TFCP2: variants seen among roughly 807,000 people sequenced by gnomAD.
TFCP2 encodes transcription factor CP2.
In TFCP2, 33 loss-of-function variants were observed where a neutral mutation model predicts 73.4. That is an observed-to-expected ratio of 0.45 (90% CI 0.34 to 0.60). The LOEUF (loss-of-function observed/expected upper bound fraction) is 0.60. TFCP2 is among the 20% of genes least tolerant of loss of function. TFCP2 has a pLI of 0.01. For synonymous variants in TFCP2, 193 were observed against 211.6 expected (o/e 0.91, Z 0.76); for missense variants, 352 against 604.0 (o/e 0.58, Z 4.37).
chr12:51,150,418 GA>G (rs536864467), intron 1 of TFCP2, among the ~76,000 whole-genome samples: 2 of 147,104 alleles, frequency 1.4e-5, no homozygotes, highest in East Asian at 2.0e-4. Flanking sequence ...CCTCCATCTC[GA>G]AAAAAAAAGA....
Position 51,121,005 on chromosome 12 carries a change from T to C in TFCP2, c.123-2233A>G, listed in dbSNP as rs556317847. Among the ~76,000 whole-genome samples, 10 of 151,792 alleles carry C rather than the reference T, an allele frequency of 6.6e-5. No individual in the cohort carries two copies. In the South Asian group the frequency reaches 2.1e-3, roughly 32 times the overall value. ...TCATCATATTATTCTGTTTACTTTG[T>C]ATATGTTTGAAATTTTCCACAGTAA... On this transcript the variant is annotated intron_variant, in intron 1 of 14. Coordinates refer to ENST00000257915, the MANE Select transcript of TFCP2 (RefSeq NM_005653.5).
At chr12:51,136,333 G>A (rs1941061011) in intron 1 of TFCP2, among the ~76,000 whole-genome samples, 2 of 151,380 alleles carry the variant, frequency 1.3e-5, no homozygotes, top group African/African-American at 4.9e-5. Flanking sequence ...AGAAAAAGAA[G>A]GTTCCCTGAC....
chr12:51,139,075 A>G (rs10506300), intron 1 of TFCP2, among the ~76,000 whole-genome samples: 1,925 of 152,244 alleles, frequency 0.013, 108 homozygotes, highest in Admixed American at 0.1. Context: ...ACAGAGAGTA[A>G]ATTTGTATTT....
rs963436749 is a variant in TFCP2, at chr12:51,117,583, A to G, written c.351+88T>C. Reference sequence around the variant, plus strand: ...GAGATACCATTAAGCCATTGGAAGCAAAAGAACATTAACAACAACAACAAA... The same window carrying G: ...GAGATACCATTAAGCCATTGGAAGCGAAAGAACATTAACAACAACAACAAA... On this transcript the variant is annotated intron_variant, in intron 3 of 14. Transcript: ENST00000257915. 1.9e-5 allele frequency: 20 copies of G among 1,069,640 alleles called. 1 individual carries two copies. Among genetic ancestry groups the G allele is most frequent in the Non-Finnish European group, 2.5e-5 (18 of 719,612 alleles). The allele number at this position is 1,069,640 out of a possible 1,614,324, so 66.3% of individuals were successfully genotyped here.
At chr12:51,151,866 TA>T (rs1261610494) in intron 1 of TFCP2, among the ~76,000 whole-genome samples, 1 of 152,216 alleles carries the variant, frequency 6.6e-6, no homozygotes, top group East Asian at 1.9e-4. Context: ...AGTAAGAATC[TA>T]TGAGTCTACA....
chr12:51,095,873 C>A, intron 14 of TFCP2, 116 bp downstream of exon 14: 22 of 469,448 alleles, frequency 4.7e-5, no homozygotes, highest in Non-Finnish European at 6.5e-5. Context: ...AATATTGTCA[C>A]TTTCTTTACC....
chr12:51,172,740 A>C lies in TFCP2; in HGVS notation c.-318T>G. 4.4e-6 allele frequency: 1 copy of C among 227,650 alleles called. No homozygotes were observed. The highest frequency in any genetic ancestry group is 8.9e-6 in the Non-Finnish European group (1 of 112,670). 14.1% of individuals were successfully genotyped at this position (227,650 alleles called of 1,614,324 possible). ...CTCCCGCACTCCCACTCCTCTTGAG[A>C]GTTCGTAGTGGTGGCTTGCTGCTTC... On this transcript the variant is annotated 5_prime_UTR_variant, in exon 1 of 15. Transcript: ENST00000257915.
rs949366849 is a variant in TFCP2 at position 51,094,798 on chromosome 12, TA to T, written c.*442del. 4 of 155,882 alleles carry T rather than the reference TA, an allele frequency of 2.6e-5. No homozygotes were observed. Among genetic ancestry groups the T allele is most frequent in the South Asian group, 2.0e-4 (1 of 4,976 alleles). 9.7% of individuals were successfully genotyped at this position (155,882 alleles called of 1,614,324 possible). A position where few individuals can be genotyped will look rare whatever the true frequency, so the allele number is the denominator to read the frequency against. On this transcript the variant is annotated 3_prime_UTR_variant, in exon 15 of 15. Coordinates refer to ENST00000257915, the MANE Select transcript of TFCP2 (RefSeq NM_005653.5). ...CTGTGGCAAAAAGCAGAGATACCAG[TA>T]CATTTGAGACCAGTACAAAGAGATT...
intron 1 of TFCP2, among the ~76,000 whole-genome samples, chr12:51,126,373 G>GA (rs1359974578): frequency 6.6e-6 from 1 of 152,118 alleles, no homozygotes; most frequent in Non-Finnish European, 1.5e-5. Flanking sequence ...GCAATTGAGT[G>GA]AAAGAGGAAC....
chr12:51,098,519 G>A (rs559839368), intron 13 of TFCP2, among the ~76,000 whole-genome samples: 3 of 152,106 alleles, frequency 2.0e-5, no homozygotes, highest in East Asian at 3.9e-4. Context: ...CCCACTATTC[G>A]GGAAGCTGAG....
intron 4 of TFCP2, among the ~76,000 whole-genome samples, chr12:51,111,416 G>A (rs559593622): frequency 2.0e-5 from 3 of 152,134 alleles, no homozygotes; most frequent in Non-Finnish European, 4.4e-5. Context: ...AAAGTGCTGG[G>A]ATTACAGGCT....
At chr12:51,111,235 C>G (rs1940392728) in intron 4 of TFCP2, among the ~76,000 whole-genome samples, 1 of 152,020 alleles carries the variant, frequency 6.6e-6, no homozygotes, top group African/African-American at 2.4e-5. Flanking sequence ...CCTCTGCCTC[C>G]TGGGTTCAAA....
intron 1 of TFCP2, among the ~76,000 whole-genome samples, chr12:51,156,451 C>T (rs1386129608): frequency 1.3e-5 from 2 of 152,108 alleles, no homozygotes; most frequent in African/African-American, 2.4e-5. Context: ...GAGGGATAAA[C>T]CCCCATGACC....
chr12:51,172,251 A>G (rs1941876652), intron 1 of TFCP2, 50 bp downstream of exon 1: 1 of 1,606,900 alleles, frequency 6.2e-7, no homozygotes, highest in Non-Finnish European at 8.5e-7. Flanking sequence ...CTTAGTGTCT[A>G]TCCGCCTTTG....
At chr12:51,164,252 A>C (rs1455286645) in intron 1 of TFCP2, among the ~76,000 whole-genome samples, 1 of 152,084 alleles carries the variant, frequency 6.6e-6, no homozygotes, top group East Asian at 1.9e-4. Context: ...GAAGAATAAA[A>C]ATAGTAGAAT....
intron 1 of TFCP2, among the ~76,000 whole-genome samples, chr12:51,123,339 A>G (rs990211190): frequency 1.2e-4 from 19 of 152,254 alleles, no homozygotes; most frequent in Non-Finnish European, 1.0e-4. Context: ...AGTATCATCC[A>G]GTTCCACATT....
chr12:51,113,258 G>A (rs1262074712), intron 4 of TFCP2, among the ~76,000 whole-genome samples: 1 of 152,134 alleles, frequency 6.6e-6, no homozygotes, highest in Non-Finnish European at 1.5e-5. Flanking sequence ...AAAATTAGTA[G>A]CAGTTAAATT....
intron 1 of TFCP2, among the ~76,000 whole-genome samples, chr12:51,136,055 C>G (rs902675948): frequency 4.0e-5 from 6 of 151,766 alleles, no homozygotes; most frequent in Admixed American, 1.3e-4. Flanking sequence ...GCCTGTAATC[C>G]CAACACTTTG....
intron 1 of TFCP2, among the ~76,000 whole-genome samples, chr12:51,121,294 G>A (rs919149490): frequency 2.6e-5 from 4 of 151,624 alleles, no homozygotes; most frequent in South Asian, 4.1e-4. Context: ...GTTGGCGCGC[G>A]CCTAGTCCCA....
Sources: allele counts gnomAD v4.1 joint callset (sites outside exome capture counted in the v4.1 genomes callset), GRCh38; gene constraint gnomAD v4.1.1; transcripts MANE v1.5; gene names NCBI Gene and HGNC (gene_info 2026-07-23, HGNC 2026-07-21).